The following TTC19 variants were observed in gnomAD, a reference collection of about 807,000 sequenced individuals.
TTC19 encodes the protein tetratricopeptide repeat protein 19, mitochondrial.
Under a neutral mutation model 49.5 loss-of-function variants are expected in TTC19, and 38 were observed. The observed-to-expected ratio is 0.77, with a 90% CI of 0.59 to 1.01. The LOEUF (loss-of-function observed/expected upper bound fraction) is 1.01. TTC19 is among the 50% of genes least tolerant of loss of function. The pLI, the probability that TTC19 is intolerant of heterozygous loss-of-function variation, is 0.00. For missense variants in TTC19, 475 were observed against 477.7 expected, an observed-to-expected ratio of 0.99 and a Z score of 0.05; for synonymous variants, 204 against 185.2, an observed-to-expected ratio of 1.10 and a Z score of -0.83.
In TTC19 at chr17:16,004,036, C is replaced by T. The variant is rs1970821820; in HGVS notation, c.519+149C>T. On this transcript the variant is annotated intron_variant, in intron 5 of 9. Transcript: ENST00000261647. Reference sequence around the variant, plus strand: ...ATCTCTATACAAATTGCCATTCTTTCACTAAATGCAACAGCATGCTTGCCA... The same window carrying T: ...ATCTCTATACAAATTGCCATTCTTTTACTAAATGCAACAGCATGCTTGCCA... 1.2e-5 allele frequency: 13 copies of T among 1,129,066 alleles called. No individual in the cohort carries two copies. In the East Asian group the frequency reaches 3.1e-4, roughly 27 times the overall value. The allele number at this position is 1,129,066 out of a possible 1,614,324, so 69.9% of individuals were successfully genotyped here.
chr17:16,005,014 CTT>C (rs1221738194), intron 6 of TTC19, among the ~76,000 whole-genome samples: 1 of 152,206 alleles, frequency 6.6e-6, no homozygotes, highest in Non-Finnish European at 1.5e-5. Flanking sequence ...GTCAATCTTT[CTT>C]GGAGTTGTAA....
chr17:16,015,628 T>C (rs1331475615), intron 7 of TTC19, among the ~76,000 whole-genome samples: 1 of 152,202 alleles, frequency 6.6e-6, no homozygotes, highest in East Asian at 1.9e-4. Flanking sequence ...TTTGGTTCCA[T>C]GAGTGCTTAA....
rs1469982848 is a variant in TTC19 at position 16,001,975 on chromosome 17, C to G, written c.373C>G (p.Leu125Val). Residue 125 changes from leucine (L) to valine (V), a missense_variant, in exon 3 of 10, where the codon CTC becomes GTC. By Grantham distance (32) the Leu-to-Val change is conservative. Coordinates refer to ENST00000261647, the MANE Select transcript of TTC19 (RefSeq NM_017775.4). ...AELILHDALRLAYQTDNKKAI... is the reference protein window; with the variant it reads ...AELILHDALRVAYQTDNKKAI... ...GTTAATTTTGCATGACGCTCTTCGT[C>G]TCGCCTATCAGACTGATAACAAGAA... The G allele has an allele frequency of 6.2e-7, 1 of 1,613,424 alleles. No homozygotes were observed. The highest frequency in any genetic ancestry group is 1.7e-5 in the Admixed American group (1 of 60,026).
chr17:16,024,102 G>C lies in TTC19; in HGVS notation c.677-915G>C, dbSNP rs1180007723. 2.0e-5 allele frequency: 3 copies of C among 152,182 alleles called. No homozygotes were observed. The East Asian group carries it at 5.8e-4, about 29-fold the overall frequency. 9.4% of individuals were successfully genotyped at this position (152,182 alleles called of 1,614,324 possible). A position where few individuals can be genotyped will look rare whatever the true frequency, so the allele number is the denominator to read the frequency against. ...TATCATCTTTTAGAAGTCTTACCCA[G>C]GTTGATATAGGTTACCGTTCTCTAG... On this transcript the variant is annotated intron_variant, in intron 7 of 9. Coordinates refer to ENST00000261647, the MANE Select transcript of TTC19 (RefSeq NM_017775.4).
At chr17:16,034,810 T>C in intron 2 of TTC19, 4 of 1,614,094 alleles carry the variant, frequency 2.5e-6, no homozygotes, top group Non-Finnish European at 3.4e-6. Flanking sequence ...GGCGTCTGCC[T>C]ATGGTAATCC....
chr17:16,014,157 G>A (rs1971150721), intron 7 of TTC19, among the ~76,000 whole-genome samples: 1 of 152,204 alleles, frequency 6.6e-6, no homozygotes, highest in Non-Finnish European at 1.5e-5. Flanking sequence ...AGACTTCTTT[G>A]ATGTTTCTCA....
At chr17:16,004,309 C>G (rs1181446039) in intron 6 of TTC19, 47 bp downstream of exon 6, 1 of 1,547,510 alleles carries the variant, frequency 6.5e-7, no homozygotes, top group South Asian at 1.1e-5. Context: ...GAAACTTTGA[C>G]TCTGGGATGT....
At chr17:16,037,699 T>A (rs919542134) in intron 2 of TTC19, among the ~76,000 whole-genome samples, 1 of 152,198 alleles carries the variant, frequency 6.6e-6, no homozygotes, top group African/African-American at 2.4e-5. Flanking sequence ...AAGGAAAAAC[T>A]GCAGAACAAA....
chr17:16,034,744 A>G (rs758354100), intron 2 of TTC19: 2 of 1,581,520 alleles, frequency 1.3e-6, no homozygotes, highest in South Asian at 1.1e-5. Context: ...CTCATTTTCT[A>G]AGTTAAAGCA....
chr17:16,007,216 G>T lies in TTC19; in HGVS notation c.676+648G>T, dbSNP rs1280245748. On this transcript the variant is annotated intron_variant, in intron 7 of 9. Coordinates refer to ENST00000261647, the MANE Select transcript of TTC19 (RefSeq NM_017775.4). The stretch of plus-strand genomic sequence containing the variant: ...ATAGAGTAGTCCCCCGTTATCCATG[G>T]GGAATATGTTCCAAGACCCCCAGCA... Among the ~76,000 whole-genome samples the T allele has an allele frequency of 3.3e-5, 5 of 152,058 alleles. No homozygotes were observed. The East Asian group carries it at 5.8e-4, about 18-fold the overall frequency.
At chr17:16,043,998 C>T (rs555548005) in intron 2 of TTC19, among the ~76,000 whole-genome samples, 20 of 151,814 alleles carry the variant, frequency 1.3e-4, no homozygotes, top group Non-Finnish European at 2.5e-4. Context: ...GGATAAACCC[C>T]GTCTGTACTA....
At position 16,027,432 on chromosome 17, in the gene TTC19, A is replaced by T. The variant is rs1308060816; in HGVS notation, c.1053A>T (p.Lys351Asn). ...YQEALKQAKL[K>N]KDEISVQHIR... ...AAGCACTGAAGCAAGCAAAGCTGAA[A>T]AAAGATGAAATTTCTGTACAACACA... Residue 351 changes from lysine to asparagine, a missense_variant, in exon 10 of 10, where the codon AAA (lysine) becomes AAT (asparagine). Transcript: ENST00000261647. 6.2e-7 allele frequency: 1 copy of T among 1,614,190 alleles called. No individual in the cohort carries two copies. Among genetic ancestry groups the T allele is most frequent in the African/African-American group, 1.3e-5 (1 of 75,064 alleles).
intron 7 of TTC19, among the ~76,000 whole-genome samples, chr17:16,015,161 G>A (rs1971178323): frequency 6.6e-6 from 1 of 152,192 alleles, no homozygotes; most frequent in South Asian, 2.1e-4. Context: ...TCTGAAATAA[G>A]TGTGGGATAT....
chr17:16,033,126 AC>A (rs568684589), downstream of TTC19, among the ~76,000 whole-genome samples: 49 of 152,210 alleles, frequency 3.2e-4, no homozygotes, highest in Admixed American at 1.8e-3. Context: ...TGGGCAGATC[AC>A]CTGAGGTCGG....
chr17:16,011,687 T>C (rs1215062712), intron 7 of TTC19, among the ~76,000 whole-genome samples: 1 of 152,212 alleles, frequency 6.6e-6, no homozygotes, highest in East Asian at 1.9e-4. Flanking sequence ...CAAATTGCCA[T>C]TGAAAGGACT....
At chr17:16,039,723 C>G in intron 2 of TTC19, 1 of 1,363,790 alleles carries the variant, frequency 7.3e-7, no homozygotes, top group African/African-American at 1.4e-5. Flanking sequence ...ATGCATTGCC[C>G]CATCAGCCCA....
At chr17:16,012,936 C>T (rs1378132706) in intron 7 of TTC19, among the ~76,000 whole-genome samples, 1 of 152,158 alleles carries the variant, frequency 6.6e-6, no homozygotes, top group Non-Finnish European at 1.5e-5. Flanking sequence ...GGTGGAGTGA[C>T]TCAAGCCTGT....
chr17:16,023,133 C>T (rs1196952117), intron 7 of TTC19, among the ~76,000 whole-genome samples: 2 of 152,146 alleles, frequency 1.3e-5, no homozygotes, highest in African/African-American at 2.4e-5. Context: ...AGTAATAGTA[C>T]ATTTATCTTT....
chr17:16,000,456 G>A, intron 2 of TTC19: 8 of 1,380,076 alleles, frequency 5.8e-6, no homozygotes, highest in Non-Finnish European at 7.6e-6. Flanking sequence ...AACCTCTGCA[G>A]TGTCAAGTGC....
Sources: gnomAD v4.1 joint callset for allele counts (sites outside exome capture counted in the v4.1 genomes callset) on GRCh38, gnomAD v4.1.1 for gene constraint, MANE v1.5 for transcripts, NCBI Gene and HGNC (gene_info 2026-07-23, HGNC 2026-07-21) for gene names.